The following RIMS2 variants were observed in gnomAD, a reference collection of about 807,000 sequenced individuals.
The protein encoded by RIMS2 is regulating synaptic membrane exocytosis protein 2.
Under a neutral mutation model 174.4 loss-of-function variants are expected in RIMS2, and 59 were observed. That is an observed-to-expected ratio of 0.34 (90% confidence interval 0.27 to 0.42). The LOEUF is 0.42. RIMS2 is among the 10% of genes least tolerant of loss of function. The probability of loss-of-function intolerance (pLI) is 1.00; values close to 1 mark genes in which losing one functional copy is unlikely to be tolerated. For missense variants in RIMS2, 1,620 were observed against 1,666.3 expected, an observed-to-expected ratio of 0.97 and a Z score of 0.48; for synonymous variants, 606 against 572.5, an observed-to-expected ratio of 1.06 and a Z score of -0.84.
chr8:103,603,165 A>G (rs2094848993), intron 1 of RIMS2, among the ~76,000 whole-genome samples: 1 of 113,130 alleles, frequency 8.8e-6, no homozygotes, highest in African/African-American at 3.5e-5. Flanking sequence ...ACCCCAACAC[A>G]GTCCCCAGAG....
At chr8:103,632,990 C>G (rs896027716) in intron 1 of RIMS2, among the ~76,000 whole-genome samples, 3 of 151,246 alleles carry the variant, frequency 2.0e-5, no homozygotes, top group Non-Finnish European at 2.9e-5. Context: ...ACCTTGGCCT[C>G]CCAAAGTGCT....
At chr8:104,060,287 G>T (rs976142556) in intron 19 of RIMS2, among the ~76,000 whole-genome samples, 1 of 150,246 alleles carries the variant, frequency 6.7e-6, no homozygotes, top group African/African-American at 2.4e-5. Context: ...CTTCTTCCTG[G>T]TTTAGTCTTG....
chr8:103,806,296 T>TA (rs1157931016), intron 3 of RIMS2, among the ~76,000 whole-genome samples: 3 of 152,214 alleles, frequency 2.0e-5, no homozygotes, highest in South Asian at 2.1e-4. Context: ...TTGTTCTTTT[T>TA]ATCTGTATTT....
At chr8:103,623,779 G>A (rs2095704245) in intron 1 of RIMS2, among the ~76,000 whole-genome samples, 1 of 149,460 alleles carries the variant, frequency 6.7e-6, no homozygotes, top group South Asian at 2.1e-4. Flanking sequence ...GTGAGCCACC[G>A]CGCCCGGTCT....
At chr8:103,566,093 G>C (rs1457823962) in intron 1 of RIMS2, among the ~76,000 whole-genome samples, 3 of 152,196 alleles carry the variant, frequency 2.0e-5, no homozygotes, top group Non-Finnish European at 4.4e-5. Context: ...TCATGGTTCT[G>C]CTGAGATGTG....
chr8:103,986,584 G>A (rs569861411), intron 16 of RIMS2, among the ~76,000 whole-genome samples: 27 of 152,076 alleles, frequency 1.8e-4, no homozygotes, highest in Non-Finnish European at 3.7e-4. Context: ...GTTAATCTAG[G>A]TGAAATGGTT....
intron 3 of RIMS2, among the ~76,000 whole-genome samples, chr8:103,825,630 A>G (rs2154475961): frequency 1.3e-5 from 2 of 152,118 alleles, no homozygotes; most frequent in South Asian, 2.1e-4. Flanking sequence ...GGCATGTGTG[A>G]GTAGTTTTTT....
At chr8:104,137,296 A>G (rs934239506) in intron 19 of RIMS2, among the ~76,000 whole-genome samples, 1 of 152,182 alleles carries the variant, frequency 6.6e-6, no homozygotes, top group African/African-American at 2.4e-5. Flanking sequence ...TAATAATTAG[A>G]GTCAACGTAT....
At chr8:104,206,626 A>C (rs1342342023) in intron 19 of RIMS2, among the ~76,000 whole-genome samples, 1 of 152,246 alleles carries the variant, frequency 6.6e-6, no homozygotes, top group Non-Finnish European at 1.5e-5. Flanking sequence ...TATTACTATT[A>C]TCTCCTATTT....
chr8:104,015,372 T>C, intron 19 of RIMS2: 1 of 665,058 alleles, frequency 1.5e-6, no homozygotes. Flanking sequence ...TTGGTTCCCT[T>C]TTTGTTTGTT....
At chr8:103,604,291 C>G (rs1416999607) in intron 1 of RIMS2, among the ~76,000 whole-genome samples, 1 of 151,442 alleles carries the variant, frequency 6.6e-6, no homozygotes. Context: ...TCAGGTTTGT[C>G]AAAGATCAGA....
chr8:104,139,708 C>T (rs1047295882), intron 19 of RIMS2, among the ~76,000 whole-genome samples: 2 of 152,096 alleles, frequency 1.3e-5, no homozygotes, highest in Admixed American at 6.6e-5. Context: ...CATCTGCAAA[C>T]AAAGATAATT....
At chr8:104,060,407 G>A (rs1241942442) in intron 19 of RIMS2, among the ~76,000 whole-genome samples, 8 of 151,282 alleles carry the variant, frequency 5.3e-5, no homozygotes, top group African/African-American at 9.7e-5. Context: ...CTGTGGGATC[G>A]GTGGTGATAT....
At chr8:104,015,549 G>C (rs917746636) in intron 19 of RIMS2, 4 of 581,874 alleles carry the variant, frequency 6.9e-6, no homozygotes, top group Non-Finnish European at 1.2e-5. Flanking sequence ...ATGTCCTTTC[G>C]TTGTGTAGAC....
chr8:104,010,089 A>C (rs529628210), intron 17 of RIMS2, among the ~76,000 whole-genome samples: 1 of 152,262 alleles, frequency 6.6e-6, no homozygotes, highest in South Asian at 2.1e-4. Context: ...TACTAGAGGG[A>C]AATCCCTTGC....
chr8:104,030,949 TG>T (rs1275697418), intron 19 of RIMS2, among the ~76,000 whole-genome samples: 1 of 152,150 alleles, frequency 6.6e-6, no homozygotes, highest in Non-Finnish European at 1.5e-5. Context: ...TTTTGTTTGT[TG>T]TTATATCCCT....
rs118062124 is a variant in RIMS2, at chr8:103,731,237, T to G, written c.387+33941T>G. ...TCACAGTGGATGCACTGTTCAAGGA[T>G]AAAAGGTTTTTTTTCTTTCCCACTT... is the stretch of plus-strand genomic sequence containing the variant. On this transcript the variant is annotated intron_variant, in intron 2 of 23. Coordinates refer to ENST00000504942, the Ensembl canonical transcript of RIMS2. Among the ~76,000 whole-genome samples, 177 of 152,302 alleles carry G rather than the reference T, an allele frequency of 1.2e-3. 2 individuals are homozygous for G. The East Asian group carries it at 0.032, about 28-fold the overall frequency.
chr8:103,786,768 C>T (rs2098447667), intron 3 of RIMS2, among the ~76,000 whole-genome samples: 1 of 152,162 alleles, frequency 6.6e-6, no homozygotes, highest in African/African-American at 2.4e-5. Flanking sequence ...GTGGAGAGTT[C>T]TGTAGATGTC....
At chr8:103,761,004 A>C (rs1033821641) in intron 2 of RIMS2, among the ~76,000 whole-genome samples, 2 of 152,236 alleles carry the variant, frequency 1.3e-5, no homozygotes, top group African/African-American at 2.4e-5. Flanking sequence ...AACTAAATGT[A>C]ATATTATTCT....
Sources: gnomAD v4.1 joint callset for allele counts (sites outside exome capture counted in the v4.1 genomes callset) on GRCh38, gnomAD v4.1.1 for gene constraint, MANE v1.5 for transcripts, NCBI Gene and HGNC (gene_info 2026-07-23, HGNC 2026-07-21) for gene names.